Variants in MGLL observed in about 807,000 individuals in gnomAD.
MGLL encodes monoglyceride lipase, also known as lysophospholipase homolog.
MGLL carries 7 observed loss-of-function variants against 29.1 expected under a neutral mutation model. That is an observed-to-expected ratio of 0.24 (90% CI 0.14 to 0.45). MGLL has a LOEUF of 0.45. Among genes scored for constraint, MGLL ranks in the 20% least tolerant of loss-of-function variants. The pLI, the probability that MGLL is intolerant of heterozygous loss-of-function variation, is 0.99. For synonymous variants in MGLL, 148 were observed against 168.3 expected (o/e 0.88, Z 0.93); for missense variants, 356 against 413.6 (o/e 0.86, Z 1.21).
intron 3 of MGLL, among the ~76,000 whole-genome samples, chr3:127,742,301 G>A (rs2076355551): frequency 6.6e-6 from 1 of 152,146 alleles, no homozygotes; most frequent in Non-Finnish European, 1.5e-5. Context: ...AAAAGCTACA[G>A]AAGGCAGGCC....
chr3:127,710,214 C>T (rs1165089126), intron 6 of MGLL, among the ~76,000 whole-genome samples: 1 of 152,214 alleles, frequency 6.6e-6, no homozygotes, highest in Non-Finnish European at 1.5e-5. Context: ...ATAAGACTTT[C>T]AACGCCCTGG....
At chr3:127,781,116 T>C (rs1045140807) in intron 3 of MGLL, among the ~76,000 whole-genome samples, 1 of 152,146 alleles carries the variant, frequency 6.6e-6, no homozygotes, top group Non-Finnish European at 1.5e-5. Flanking sequence ...TATGTATGCA[T>C]GTATATGTCT....
chr3:127,711,189 G>A (rs986713410), intron 5 of MGLL: 1 of 192,700 alleles, frequency 5.2e-6, no homozygotes, highest in South Asian at 1.0e-4. Flanking sequence ...GTGGCAGAGG[G>A]AAGGATTGCT....
intron 3 of MGLL, among the ~76,000 whole-genome samples, chr3:127,727,154 C>A (rs1044758721): frequency 6.6e-6 from 1 of 152,174 alleles, no homozygotes; most frequent in Non-Finnish European, 1.5e-5. Context: ...GAACTTCCCC[C>A]CTTCCTCAAC....
chr3:127,720,837 G>A (rs1490494354), intron 5 of MGLL, among the ~76,000 whole-genome samples: 1 of 152,192 alleles, frequency 6.6e-6, no homozygotes. Context: ...CAAACAGGAA[G>A]GCATTGTCTT....
At chr3:127,811,267 G>T (rs2077657104) in intron 2 of MGLL, among the ~76,000 whole-genome samples, 1 of 136,002 alleles carries the variant, frequency 7.4e-6, no homozygotes, top group Non-Finnish European at 1.5e-5. Context: ...TGCCAGGTAT[G>T]AAACTCTACA....
At chr3:127,726,190 A>AAAGAAAGAAAAGAAAAG (rs1553758469) in intron 3 of MGLL, among the ~76,000 whole-genome samples, 15 of 74,312 alleles carry the variant, frequency 2.0e-4, no homozygotes, top group African/African-American at 7.3e-4. Context: ...GAAAGAAAAG[A>AAAGAAAGAAAAGAAAAG]AAAGAAAGAA....
intron 3 of MGLL, among the ~76,000 whole-genome samples, chr3:127,771,980 G>A (rs368968861): frequency 6.6e-6 from 1 of 152,118 alleles, no homozygotes; most frequent in Non-Finnish European, 1.5e-5. Context: ...GTGCAATGGT[G>A]GGTCTTACAC....
chr3:127,712,763 G>C (rs1007207680), intron 5 of MGLL: 4 of 152,372 alleles, frequency 2.6e-5, no homozygotes, highest in Non-Finnish European at 5.9e-5. Flanking sequence ...GATGGGTCAG[G>C]AATGTTCAAG....
chr3:127,793,841 C>A (rs763770382), intron 2 of MGLL, among the ~76,000 whole-genome samples: 5 of 152,116 alleles, frequency 3.3e-5, no homozygotes, highest in Non-Finnish European at 5.9e-5. Flanking sequence ...GGATTACAGG[C>A]GTGAGCCACT....
At chr3:127,725,828 G>A (rs763077121) in intron 3 of MGLL, among the ~76,000 whole-genome samples, 4 of 152,138 alleles carry the variant, frequency 2.6e-5, no homozygotes, top group Non-Finnish European at 4.4e-5. Flanking sequence ...TGCTTTGGGA[G>A]GCCAGGGTGG....
chr3:127,758,954 G>C (rs1331476889), intron 3 of MGLL, among the ~76,000 whole-genome samples: 2 of 123,522 alleles, frequency 1.6e-5, no homozygotes, highest in African/African-American at 6.3e-5. Context: ...ACAGAGTCTT[G>C]CTCTGTTGCC....
At chr3:127,755,465 T>A (rs186480218) in intron 3 of MGLL, among the ~76,000 whole-genome samples, 2 of 152,238 alleles carry the variant, frequency 1.3e-5, no homozygotes, top group African/African-American at 4.8e-5. Flanking sequence ...CAGTTGTAGG[T>A]CAATGGGTTT....
chr3:127,801,248 G>A (rs1184303423), intron 2 of MGLL, among the ~76,000 whole-genome samples: 2 of 148,454 alleles, frequency 1.3e-5, no homozygotes, highest in African/African-American at 5.0e-5. Flanking sequence ...GTTGCAGTGA[G>A]CCGAGATAGC....
intron 3 of MGLL, among the ~76,000 whole-genome samples, chr3:127,766,527 G>A (rs780384593): frequency 1.1e-4 from 17 of 152,006 alleles, no homozygotes; most frequent in Non-Finnish European, 2.2e-4. Flanking sequence ...GCACAGGGTC[G>A]CCTCCCAACT....
intron 6 of MGLL, among the ~76,000 whole-genome samples, chr3:127,708,311 C>T (rs962091094): frequency 1.3e-5 from 2 of 152,146 alleles, no homozygotes; most frequent in Non-Finnish European, 2.9e-5. Flanking sequence ...TGGGGCTGAC[C>T]GGCCACCTCC....
intron 3 of MGLL, among the ~76,000 whole-genome samples, chr3:127,754,803 A>G (rs1489425562): frequency 6.6e-6 from 1 of 152,178 alleles, no homozygotes; most frequent in Non-Finnish European, 1.5e-5. Flanking sequence ...AAACCACACC[A>G]GAGAGCGAGA....
chr3:127,735,662 C>T (rs764242491), intron 3 of MGLL: 1 of 1,570,094 alleles, frequency 6.4e-7, no homozygotes, highest in South Asian at 1.1e-5. Flanking sequence ...CTCCTGTCTA[C>T]TCATCAAGTT....
At position 127,695,011 on chromosome 3, in the gene MGLL, G is replaced by A; in HGVS notation, c.780C>T (p.Leu260=). ...RLCDSKGAYL[L]MELAKSQDKT... ...TGTCCTGGCTCTTGGCTAACTCCAT[G>A]AGCAGGTAGGCCCCTTTGCTGTCAC... The change falls in exon 7 of 8, where the codon CTC becomes CTT. Residue 260 remains leucine, a synonymous_variant. Coordinates refer to ENST00000265052, the MANE Select transcript of MGLL (RefSeq NM_007283.7). 1 of 1,614,034 alleles carries A rather than the reference G, an allele frequency of 6.2e-7. No homozygotes were observed.
Sources: gnomAD v4.1 joint callset for allele counts (sites outside exome capture counted in the v4.1 genomes callset) on GRCh38, gnomAD v4.1.1 for gene constraint, MANE v1.5 for transcripts, NCBI Gene and HGNC (gene_info 2026-07-23, HGNC 2026-07-21) for gene names.